TENM3: variants seen among roughly 807,000 people sequenced by gnomAD.
TENM3 encodes the protein teneurin transmembrane protein 3, also known as teneurin-3.
In TENM3, 63 loss-of-function variants were observed where a neutral mutation model predicts 255.1. That is an observed-to-expected ratio of 0.25 (90% confidence interval 0.20 to 0.30). The LOEUF (loss-of-function observed/expected upper bound fraction) is 0.30, where lower values mean the gene tolerates loss of function less well. Among genes scored for constraint, TENM3 ranks in the 10% least tolerant of loss-of-function variants. TENM3 has a pLI of 1.00. For synonymous variants in TENM3, 1,306 were observed against 1,322.3 expected (o/e 0.99, Z 0.27); for missense variants, 2,929 against 3,461.1 (o/e 0.85, Z 3.86).
the TENM3 span, among the ~76,000 whole-genome samples, chr4:181,833,441 T>C: frequency 5.9e-5 from 9 of 152,282 alleles, no homozygotes; most frequent in Admixed American, 2.6e-4. Flanking sequence ...TGCTGAGTTA[T>C]CTAACTAAAA....
chr4:181,464,638 T>A, the TENM3 span, among the ~76,000 whole-genome samples: 3 of 139,370 alleles, frequency 2.2e-5, no homozygotes, highest in Non-Finnish European at 4.9e-5. Flanking sequence ...TAGAAGCATA[T>A]TTTTTTTTCA....
At chr4:181,572,807 G>A in the TENM3 span, among the ~76,000 whole-genome samples, 2 of 152,002 alleles carry the variant, frequency 1.3e-5, no homozygotes, top group Non-Finnish European at 2.9e-5. Context: ...TAATCACTTT[G>A]CTGTGCTATC....
chr4:181,709,917 C>A, the TENM3 span, among the ~76,000 whole-genome samples: 116 of 152,250 alleles, frequency 7.6e-4, no homozygotes, highest in Non-Finnish European at 1.2e-3. Context: ...GAGCAGTGCC[C>A]TTTCCTGAGC....
the TENM3 span, among the ~76,000 whole-genome samples, chr4:181,503,277 G>C: frequency 6.6e-6 from 1 of 152,130 alleles, no homozygotes; most frequent in Non-Finnish European, 1.5e-5. Context: ...GAGGTGGAAG[G>C]ATTGCTTGAG....
At chr4:182,495,651 G>A (rs916532619) in intron 3 of TENM3, among the ~76,000 whole-genome samples, 14 of 152,148 alleles carry the variant, frequency 9.2e-5, no homozygotes, top group Non-Finnish European at 1.8e-4. Context: ...ATTTCCCCCC[G>A]TAGTGCTGCT....
the TENM3 span, among the ~76,000 whole-genome samples, chr4:181,454,907 T>A: frequency 6.6e-6 from 1 of 151,834 alleles, no homozygotes; most frequent in Non-Finnish European, 1.5e-5. Flanking sequence ...GTACACTGTA[T>A]GAAGTTGGCA....
At chr4:182,140,580 T>C (rs1314396955), upstream of TENM3, among the ~76,000 whole-genome samples, 2 of 152,226 alleles carry the variant, frequency 1.3e-5, no homozygotes, top group Non-Finnish European at 2.9e-5. Context: ...ACTCCAGTGA[T>C]GTCCACAAGT....
chr4:181,528,754 C>T, the TENM3 span, among the ~76,000 whole-genome samples: 1 of 152,190 alleles, frequency 6.6e-6, no homozygotes, highest in East Asian at 1.9e-4. Context: ...CACTCTCCAC[C>T]ACTGTGCAAT....
chr4:182,369,988 G>C (rs1364437464), intron 3 of TENM3, among the ~76,000 whole-genome samples: 1 of 152,178 alleles, frequency 6.6e-6, no homozygotes, highest in Non-Finnish European at 1.5e-5. Flanking sequence ...TTAATTTGTT[G>C]TTTTACCTTA....
rs570403920 is a variant in TENM3, at chr4:182,197,833, A to G, written c.-76+53079A>G. Among the ~76,000 whole-genome samples, 820 of 152,290 alleles carry G rather than the reference A, an allele frequency of 5.4e-3. 7 individuals are homozygous for G. Among genetic ancestry groups the G allele is most frequent in the Middle Eastern group, 0.017 (5 of 294 alleles). On this transcript the variant is annotated intron_variant, in intron 1 of 2. Coordinates refer to the TENM3 transcript ENST00000512480. ...GATAAAGATCTGGTGGGAAGGGCTC[A>G]GTGGCTCACGCCTGTAATCCCAGCA...
At chr4:181,605,521 A>G in the TENM3 span, among the ~76,000 whole-genome samples, 4 of 22,168 alleles carry the variant, frequency 1.8e-4, 1 homozygote, top group East Asian at 9.9e-4. Flanking sequence ...AAAGAAAGAA[A>G]GAAAGAAAGA....
chr4:182,461,945 C>T (rs927673733), intron 3 of TENM3, among the ~76,000 whole-genome samples: 6 of 152,188 alleles, frequency 3.9e-5, no homozygotes, highest in African/African-American at 1.4e-4. Flanking sequence ...CAGGTCATTA[C>T]TATTAGCGTG....
At chr4:181,758,733 G>A in the TENM3 span, among the ~76,000 whole-genome samples, 1 of 152,274 alleles carries the variant, frequency 6.6e-6, no homozygotes, top group South Asian at 2.1e-4. Context: ...CATTGGACAG[G>A]AAAGATTACT....
At chr4:182,736,121 G>A (rs921595489) in intron 16 of TENM3, among the ~76,000 whole-genome samples, 1 of 152,144 alleles carries the variant, frequency 6.6e-6, no homozygotes, top group African/African-American at 2.4e-5. Flanking sequence ...ATGGTAAGTT[G>A]GAGCTCAATC....
rs141227891 is a variant in TENM3, at chr4:182,369,469, G to A, written c.511+22540G>A. Reference sequence around the variant, plus strand: ...AGTAGACTGTAGGTCCTCAGATTACGTGCTTTGCAATGAGAAGGAAAGAGC... The same window carrying A: ...AGTAGACTGTAGGTCCTCAGATTACATGCTTTGCAATGAGAAGGAAAGAGC... On this transcript the variant is annotated intron_variant, in intron 3 of 27. Coordinates refer to ENST00000511685, the MANE Select transcript of TENM3 (RefSeq NM_001080477.4). 2.6e-4 allele frequency among the ~76,000 whole-genome samples: 39 copies of A among 152,274 alleles called. 1 individual carries two copies. Among genetic ancestry groups the A allele is most frequent in the Admixed American group, 2.5e-3 (38 of 15,294 alleles).
intron 3 of TENM3, 40 bp from the exon 4 acceptor site, chr4:182,600,884 A>ATAT: frequency 1.1e-6 from 1 of 911,528 alleles, no homozygotes; most frequent in Non-Finnish European, 1.7e-6. Context: ...TATATATATA[A>ATAT]TGAGTTCTCT....
At chr4:182,504,722 G>A (rs1048609079) in intron 3 of TENM3, among the ~76,000 whole-genome samples, 21 of 152,176 alleles carry the variant, frequency 1.4e-4, no homozygotes, top group African/African-American at 3.9e-4. Context: ...TTTTGGCATG[G>A]CTTCCAACCT....
At chr4:181,707,963 CT>C in the TENM3 span, among the ~76,000 whole-genome samples, 4 of 150,882 alleles carry the variant, frequency 2.7e-5, no homozygotes, top group African/African-American at 4.9e-5. Context: ...AATTCTTAGT[CT>C]TTTTTTTTCT....
the TENM3 span, among the ~76,000 whole-genome samples, chr4:181,740,330 T>A: frequency 1.3e-5 from 2 of 152,188 alleles, no homozygotes; most frequent in Non-Finnish European, 2.9e-5. Flanking sequence ...TTTTGATTAT[T>A]TTTTAGAAAA....
Sources: gnomAD v4.1 joint callset for allele counts (sites outside exome capture counted in the v4.1 genomes callset) on GRCh38, gnomAD v4.1.1 for gene constraint, MANE v1.5 for transcripts, NCBI Gene and HGNC (gene_info 2026-07-23, HGNC 2026-07-21) for gene names.